The following C22orf15 variants were observed in gnomAD, a reference collection of about 807,000 sequenced individuals.
C22orf15 encodes uncharacterized protein C22orf15.
In C22orf15, 21 loss-of-function variants were observed where a neutral mutation model predicts 20.3. The ratio of observed to expected loss-of-function variants is 1.04; its 90% CI spans 0.74 to 1.49. The LOEUF is 1.49. Among genes scored for constraint, C22orf15 ranks in the 40% most tolerant of loss-of-function variants. C22orf15 has a pLI of 0.00. For synonymous variants in C22orf15, 78 were observed against 75.4 expected (o/e 1.03, Z -0.18); for missense variants, 170 against 191.1 (o/e 0.89, Z 0.65).
At chr22:23,765,445 C>T in intron 5 of C22orf15, 2 of 1,550,946 alleles carry the variant, frequency 1.3e-6, no homozygotes, top group Non-Finnish European at 1.7e-6. Context: ...GTTGCATCAG[C>T]AAGAGGGGCA....
Position 23,763,227 on chromosome 22 carries a change from C to G in C22orf15, c.-80C>G, listed in dbSNP as rs1023523401. The G allele has an allele frequency of 6.5e-7, 1 of 1,539,498 alleles. No homozygotes were observed. The highest frequency in any genetic ancestry group is 1.4e-5 in the African/African-American group (1 of 72,750). ...CAGAGCCCGGCCCTGAAGCAGGTCTCTGCTCCACGCTTTTCCTTAGTTGGG... is the reference window on the plus strand; with the variant it reads ...CAGAGCCCGGCCCTGAAGCAGGTCTGTGCTCCACGCTTTTCCTTAGTTGGG... On this transcript the variant is annotated 5_prime_UTR_variant, in exon 1 of 6. Coordinates refer to ENST00000402217, the MANE Select transcript of C22orf15 (RefSeq NM_182520.3).
intron 5 of C22orf15, chr22:23,765,449 A>G (rs534165937): frequency 6.4e-7 from 1 of 1,550,966 alleles, no homozygotes; most frequent in Non-Finnish European, 8.7e-7. Context: ...CATCAGCAAG[A>G]GGGGCAAGGT....
Position 23,764,844 on chromosome 22 carries a change from A to C in C22orf15, c.377A>C (p.Lys126Thr). The C allele has an allele frequency of 6.2e-7, 1 of 1,613,924 alleles. No individual in the cohort carries two copies. Among genetic ancestry groups the C allele is most frequent in the Non-Finnish European group, 8.5e-7 (1 of 1,179,990 alleles). The change falls in exon 5 of 6, where the codon AAG (lysine) becomes ACG (threonine). Residue 126 changes from lysine (K) to threonine (T), a missense_variant. Lys to Thr is a moderately conservative substitution (Grantham distance 78). Transcript: ENST00000402217. Reference protein sequence around the residue: ...GLSSVGHNWRKRMGTRRGRHE... With the variant: ...GLSSVGHNWRTRMGTRRGRHE... ...TCCTCTGTGGGCCACAACTGGAGGA[A>C]GCGTATGGGCACTCGGCGAGGCCGC...
chr22:23,763,437 G>C (rs928634001), intron 1 of C22orf15, 106 bp downstream of exon 1: 23 of 1,297,460 alleles, frequency 1.8e-5, no homozygotes, highest in South Asian at 4.3e-5. Flanking sequence ...GCGGGAAAGG[G>C]GGGTGGTGCA....
At position 23,764,624 on chromosome 22, in the gene C22orf15, C is replaced by T. The variant is rs546921891; in HGVS notation, c.251-15C>T. On this transcript the variant is annotated splice_polypyrimidine_tract_variant and intron_variant, in intron 3 of 5. Transcript: ENST00000402217. ...GCCAGTCAGGTGTCCTTCATCGTCT[C>T]TCCACATGTCACAGAGGGAGAGGAC... The T allele has an allele frequency of 2.5e-6, 4 of 1,613,978 alleles. No homozygotes were observed. The African/African-American group carries it at 5.3e-5, about 22-fold the overall frequency.
At position 23,764,260 on chromosome 22, in the gene C22orf15, C is replaced by T. The variant is rs374808343; in HGVS notation, c.113C>T (p.Ala38Val). 4.0e-5 allele frequency: 62 copies of T among 1,551,628 alleles called. No individual in the cohort carries two copies. The highest frequency in any genetic ancestry group is 2.9e-4 in the Admixed American group (15 of 50,988). ...CCAGTCTCTCTCCATGTCCTCCCAG[C>T]GACCATTGCTCTCCTGGCTGAGGAT... ...LRQKAGLPPDATIALLAEDGN... is the reference protein window; with the variant it reads ...LRQKAGLPPDVTIALLAEDGN... Residue 38 changes from alanine (A) to valine (V), a missense_variant and splice_region_variant, in exon 3 of 6, where the codon GCG becomes GTG. Physicochemically the swap from Ala to Val is moderately conservative, Grantham distance 64. Transcript: ENST00000402217.
chr22:23,764,490 C>T lies in C22orf15; in HGVS notation c.250+93C>T, dbSNP rs750117485. 1.5e-5 allele frequency: 24 copies of T among 1,584,782 alleles called. No individual in the cohort carries two copies. In the African/African-American group the frequency reaches 2.3e-4, roughly 15 times the overall value. ...TAGACCACCCAAGGCCCTGTCCGGC[C>T]TCCCACCTCGGCTGGGGACCTAGCC... On this transcript the variant is annotated intron_variant, in intron 3 of 5. Coordinates refer to ENST00000402217, the MANE Select transcript of C22orf15 (RefSeq NM_182520.3).
intron 5 of C22orf15, 162 bp downstream of exon 5, chr22:23,765,064 C>G (rs1926537382): frequency 6.8e-7 from 1 of 1,463,626 alleles, no homozygotes; most frequent in African/African-American, 1.4e-5. Context: ...ACATATACCC[C>G]CAGATGGAAC....
chr22:23,763,384 A>G, intron 1 of C22orf15, 53 bp downstream of exon 1: 1 of 1,500,380 alleles, frequency 6.7e-7, no homozygotes, highest in Non-Finnish European at 8.9e-7. Flanking sequence ...GCACACTCAG[A>G]GGCGTGCTTC....
intron 1 of C22orf15, 108 bp downstream of exon 1, chr22:23,763,439 G>T: frequency 7.8e-7 from 1 of 1,284,520 alleles, no homozygotes; most frequent in South Asian, 1.5e-5. Flanking sequence ...GGGAAAGGGG[G>T]GTGGTGCACA....
intron 5 of C22orf15, chr22:23,765,340 A>C: frequency 6.5e-7 from 1 of 1,549,888 alleles, no homozygotes; most frequent in Non-Finnish European, 8.7e-7. Flanking sequence ...ACTCAGACCC[A>C]AGGGGGTTAG....
At chr22:23,765,379 G>T in intron 5 of C22orf15, 1 of 1,551,068 alleles carries the variant, frequency 6.4e-7, no homozygotes, top group Non-Finnish European at 8.7e-7. Flanking sequence ...GTGATCAGGT[G>T]CAAACAGACA....
intron 5 of C22orf15, 53 bp downstream of exon 5, chr22:23,764,955 G>A: frequency 6.4e-7 from 1 of 1,563,534 alleles, no homozygotes; most frequent in Middle Eastern, 1.7e-4. Context: ...GCCAGGTACA[G>A]AGCAGATTTG....
Position 23,763,245 on chromosome 22 carries a change from TAGTTGGGGAATCGAG to T in C22orf15, c.-53_-39del. 1 of 1,545,032 alleles carries T rather than the reference TAGTTGGGGAATCGAG, an allele frequency of 6.5e-7. No homozygotes were observed. Among genetic ancestry groups the T allele is most frequent in the Non-Finnish European group, 8.8e-7 (1 of 1,142,620 alleles). ...CAGGTCTCTGCTCCACGCTTTTCCT[TAGTTGGGGAATCGAG>T]AGTTGGGGGATCAAAGCCCCCCACA... On this transcript the variant is annotated 5_prime_UTR_variant, in exon 1 of 6. Coordinates refer to ENST00000402217, the MANE Select transcript of C22orf15 (RefSeq NM_182520.3).
intron 1 of C22orf15, 100 bp from the exon 2 acceptor site, chr22:23,763,987 C>A: frequency 5.9e-6 from 7 of 1,177,676 alleles, no homozygotes; most frequent in South Asian, 2.7e-5. Context: ...TAGGCCCAGT[C>A]GCAGCTCTGG....
rs983407128 is a variant in C22orf15 at position 23,763,346 on chromosome 22, C to G, written c.25+15C>G. The G allele has an allele frequency of 2.9e-5, 45 of 1,547,300 alleles. No homozygotes were observed. Among genetic ancestry groups the G allele is most frequent in the African/African-American group, 4.1e-5 (3 of 72,756 alleles). On this transcript the variant is annotated intron_variant, in intron 1 of 5. Transcript: ENST00000402217. ...GATGTTTGGGGGTAAGTGGGGTCCC[C>G]TGTCTTGGTAGGCGGATAGGGGGAT...
chr22:23,763,280 C>T lies in C22orf15; in HGVS notation c.-27C>T. The T allele has an allele frequency of 6.5e-7, 1 of 1,550,138 alleles. No individual in the cohort carries two copies. Among genetic ancestry groups the T allele is most frequent in the Non-Finnish European group, 8.7e-7 (1 of 1,146,634 alleles). The stretch of plus-strand genomic sequence containing the variant: ...ATCGAGAGTTGGGGGATCAAAGCCC[C>T]CCACATCTCCCTCACCCGCTGCAGC... On this transcript the variant is annotated 5_prime_UTR_variant, in exon 1 of 6. Coordinates refer to ENST00000402217, the MANE Select transcript of C22orf15 (RefSeq NM_182520.3).
In C22orf15 at chr22:23,763,003, C is replaced by A; in HGVS notation, c.-304C>A. On this transcript the variant is annotated 5_prime_UTR_variant, in exon 1 of 6. Transcript: ENST00000402217. ...CATTTCCTGCCTAGATGTCTCCGCC[C>A]CCACTGCCATGGAGACCAGCTTGGA... The A allele has an allele frequency of 2.3e-6, 1 of 439,368 alleles. No individual in the cohort carries two copies. Among genetic ancestry groups the A allele is most frequent in the Non-Finnish European group, 4.0e-6 (1 of 249,336 alleles). The allele number at this position is 439,368 out of a possible 1,614,324, so 27.2% of individuals were successfully genotyped here.
At chr22:23,765,696 A>C in intron 5 of C22orf15, 25 bp from the exon 6 acceptor site, 1 of 1,547,090 alleles carries the variant, frequency 6.5e-7, no homozygotes, top group Non-Finnish European at 8.7e-7. Context: ...TGCAGATTGC[A>C]ACAGGGCTCC....
Sources: allele counts gnomAD v4.1 joint callset, GRCh38; gene constraint gnomAD v4.1.1; transcripts MANE v1.5; gene names NCBI Gene and HGNC (gene_info 2026-07-23, HGNC 2026-07-21).